SAMD7: variants seen among roughly 807,000 people sequenced by gnomAD.
The protein encoded by SAMD7 is sterile alpha motif domain containing 7.
SAMD7 carries 34 observed loss-of-function variants against 36.7 expected under a neutral mutation model. The ratio of observed to expected loss-of-function variants is 0.93; its 90% confidence interval spans 0.71 to 1.23. The LOEUF (loss-of-function observed/expected upper bound fraction) is 1.23, where lower values mean the gene tolerates loss of function less well. SAMD7 is among the 50% of genes most tolerant of loss of function. The probability of loss-of-function intolerance (pLI) is 0.00; values close to 1 mark genes in which losing one functional copy is unlikely to be tolerated. For missense variants in SAMD7, 570 were observed against 546.6 expected (o/e 1.04, Z -0.43); for synonymous variants, 188 against 189.7 (o/e 0.99, Z 0.07).
rs878873913 is a variant in SAMD7, at chr3:169,928,080, G to A, written c.920-377G>A. ...CATACCAACTGTTTCCCTACAAAGT[G>A]TTAATTTGCCATTCTGATGAAAATG... On this transcript the variant is annotated intron_variant, in intron 6 of 8. Transcript: ENST00000335556. Among the ~76,000 whole-genome samples, 4 of 152,200 alleles carry A rather than the reference G, an allele frequency of 2.6e-5. No homozygotes were observed. The South Asian group carries it at 8.3e-4, about 32-fold the overall frequency.
intron 7 of SAMD7, among the ~76,000 whole-genome samples, chr3:169,935,019 C>T (rs1713669980): frequency 6.6e-6 from 1 of 152,120 alleles, no homozygotes; most frequent in Non-Finnish European, 1.5e-5. Flanking sequence ...AAAATGTCTG[C>T]ATGTTTGGTG....
rs191878122 is a variant in SAMD7, at chr3:169,932,889, A to G, written c.1042-3450A>G. ...AATGCTGACTGCCATTACTATAAGAACTTTCAAGATAATGAGGGCGCCAGT... is the reference window on the plus strand; with the variant it reads ...AATGCTGACTGCCATTACTATAAGAGCTTTCAAGATAATGAGGGCGCCAGT... On this transcript the variant is annotated intron_variant, in intron 7 of 8. Transcript: ENST00000335556. 3.0e-5 allele frequency: 19 copies of G among 631,912 alleles called. No individual in the cohort carries two copies. The African/African-American group carries it at 3.3e-4, about 11-fold the overall frequency. The allele number at this position is 631,912 out of a possible 1,614,324, so 39.1% of individuals were successfully genotyped here. A position where few individuals can be genotyped will look rare whatever the true frequency, so the allele number is the denominator to read the frequency against.
chr3:169,916,594 G>C (rs1712813102), intron 2 of SAMD7, among the ~76,000 whole-genome samples: 1 of 152,210 alleles, frequency 6.6e-6, no homozygotes. Flanking sequence ...GTTGCAGTGA[G>C]ACAGGATCAC....
At chr3:169,927,285 C>CTTTT (rs71634451) in intron 6 of SAMD7, 104 bp downstream of exon 6, 80 of 141,786 alleles carry the variant, frequency 5.6e-4, no homozygotes, top group Admixed American at 6.8e-4. Flanking sequence ...TTTTATCTTT[C>CTTTT]TTTTTTTTTT....
Position 169,939,128 on chromosome 3 carries a change from T to G in SAMD7, c.*622T>G, listed in dbSNP as rs1576842601. On this transcript the variant is annotated 3_prime_UTR_variant, in exon 9 of 9. Transcript: ENST00000335556. ...ATGAGGTCAGGAGATTAAGACCAGC[T>G]TGGCCAACATGGTGAAACCCCGTCT... 6.6e-6 allele frequency: 1 copy of G among 151,882 alleles called. No individual in the cohort carries two copies. The highest frequency in any genetic ancestry group is 1.5e-5 in the Non-Finnish European group (1 of 67,980). The allele number at this position is 151,882 out of a possible 1,614,324, so 9.4% of individuals were successfully genotyped here.
intron 2 of SAMD7, among the ~76,000 whole-genome samples, chr3:169,916,260 G>T (rs539371208): frequency 6.6e-6 from 1 of 152,326 alleles, no homozygotes; most frequent in Non-Finnish European, 1.5e-5. Flanking sequence ...GGTTGCCAGA[G>T]GCTAGGGGGT....
chr3:169,921,462 G>C (rs1713040362), intron 4 of SAMD7, 124 bp downstream of exon 4: 1 of 899,084 alleles, frequency 1.1e-6, no homozygotes, highest in South Asian at 1.6e-5. Context: ...TGTCTCTGCA[G>C]TCTCTGTAGT....
intron 4 of SAMD7, among the ~76,000 whole-genome samples, chr3:169,924,683 T>C (rs972091554): frequency 1.3e-5 from 2 of 152,166 alleles, no homozygotes; most frequent in African/African-American, 2.4e-5. Flanking sequence ...CATTCCACAA[T>C]GTATATACAT....
At chr3:169,924,017 C>T (rs1795217) in intron 4 of SAMD7, among the ~76,000 whole-genome samples, 48,575 of 151,746 alleles carry the variant, frequency 0.32, 8,017 homozygotes, top group African/African-American at 0.41. Context: ...GACTGGACTT[C>T]TTGCACAGAC....
chr3:169,928,257 G>A (rs1713354020), intron 6 of SAMD7, among the ~76,000 whole-genome samples, 200 bp from the exon 7 acceptor site: 1 of 152,180 alleles, frequency 6.6e-6, no homozygotes, highest in Non-Finnish European at 1.5e-5. Context: ...TACAATAAAT[G>A]CTATCAGTAA....
At position 169,938,428 on chromosome 3, in the gene SAMD7, G is replaced by T. The variant is rs1345601733; in HGVS notation, c.1263G>T (p.Trp421Cys). The T allele has an allele frequency of 1.2e-6, 2 of 1,612,326 alleles. No individual in the cohort carries two copies. Among genetic ancestry groups the T allele is most frequent in the Non-Finnish European group, 1.7e-6 (2 of 1,178,358 alleles). The change falls in exon 9 of 9, where the codon TGG (tryptophan) becomes TGT (cysteine). Residue 421 changes from tryptophan (W) to cysteine (C), a missense_variant. Trp to Cys is a radical substitution (Grantham distance 215). Transcript: ENST00000335556. ...CCCCTCTTCTGGATCCTAATTCCTG[G>T]AGTGATACAATGAACATTTTTTGTC... ...DTSPLLDPNS[W>C]SDTMNIFCPQ...
intron 1 of SAMD7, among the ~76,000 whole-genome samples, chr3:169,914,278 G>T (rs951370571): frequency 6.6e-6 from 1 of 152,116 alleles, no homozygotes; most frequent in African/African-American, 2.4e-5. Context: ...AAAAATAAAA[G>T]TTAAAACTAT....
chr3:169,926,136 A>T (rs541055986), intron 5 of SAMD7: 3 of 546,628 alleles, frequency 5.5e-6, no homozygotes, highest in South Asian at 4.9e-5. Flanking sequence ...TTCCCCAGCC[A>T]CTTGCATTTA....
chr3:169,934,875 G>A (rs1346190403), intron 7 of SAMD7, among the ~76,000 whole-genome samples: 2 of 152,210 alleles, frequency 1.3e-5, no homozygotes, highest in African/African-American at 2.4e-5. Flanking sequence ...GCTGGCAAAG[G>A]TGACCTTGAA....
rs371176588 is a variant in SAMD7, at chr3:169,921,390, T to G, written c.211+52T>G. ...ATCTGTGGAGTCATTTTGAACTGGA[T>G]GGATGCATTAAGTTTGCCATCAAAT... On this transcript the variant is annotated intron_variant, in intron 4 of 8. Transcript: ENST00000335556. The G allele has an allele frequency of 6.2e-5, 97 of 1,575,526 alleles. No individual in the cohort carries two copies. In the African/African-American group the frequency reaches 1.2e-3, roughly 20 times the overall value.
At chr3:169,927,356 G>A (rs979605164) in intron 6 of SAMD7, among the ~76,000 whole-genome samples, 175 bp downstream of exon 6, 2 of 136,656 alleles carry the variant, frequency 1.5e-5, no homozygotes, top group African/African-American at 5.5e-5. Context: ...GTGCAGTGGC[G>A]CGATCTCGGC....
chr3:169,919,725 C>G (rs1559948845), intron 3 of SAMD7, 141 bp downstream of exon 3: 8 of 725,174 alleles, frequency 1.1e-5, no homozygotes, highest in Non-Finnish European at 1.9e-5. Context: ...GTCAAGACAC[C>G]CTGCTGGCCT....
At position 169,936,437 on chromosome 3, in the gene SAMD7, A is replaced by T; in HGVS notation, c.1140A>T (p.Lys380Asn). The T allele has an allele frequency of 6.2e-7, 1 of 1,603,500 alleles. No individual in the cohort carries two copies. The highest frequency in any genetic ancestry group is 8.5e-7 in the Non-Finnish European group (1 of 1,170,670). Residue 380 changes from lysine to asparagine, a missense_variant, in exon 8 of 9, where the codon AAA becomes AAT. Physicochemically the swap from Lys to Asn is moderately conservative, Grantham distance 94. Transcript: ENST00000335556. ...TMGLKLGPAL[K>N]IQSQVSQHVG... ...GATTAAAGCTAGGGCCGGCACTAAA[A>T]ATTCAGTCACAGGTATGGTGATTTT...
At chr3:169,921,149 A>G (rs1713024769) in intron 3 of SAMD7, 65 bp from the exon 4 acceptor site, 1 of 1,449,660 alleles carries the variant, frequency 6.9e-7, no homozygotes. Context: ...TCATTGTCTC[A>G]GCCATGGAAA....
Sources: gnomAD v4.1 joint callset for allele counts (sites outside exome capture counted in the v4.1 genomes callset) on GRCh38, gnomAD v4.1.1 for gene constraint, MANE v1.5 for transcripts, NCBI Gene and HGNC (gene_info 2026-07-23, HGNC 2026-07-21) for gene names.